The following TRANK1 variants were observed in gnomAD, a reference collection of about 807,000 sequenced individuals.
TRANK1 encodes the protein tetratricopeptide repeat and ankyrin repeat containing 1.
In TRANK1, 198 loss-of-function variants were observed where a neutral mutation model predicts 266.0. The ratio of observed to expected loss-of-function variants is 0.74; its 90% CI spans 0.66 to 0.84. The LOEUF (loss-of-function observed/expected upper bound fraction) is 0.84, where lower values mean the gene tolerates loss of function less well. TRANK1 is among the 40% of genes least tolerant of loss of function. The pLI, the probability that TRANK1 is intolerant of heterozygous loss-of-function variation, is 0.00. For synonymous variants in TRANK1, 1,396 were observed against 1,384.1 expected, an observed-to-expected ratio of 1.01 and a Z score of -0.19; for missense variants, 3,326 against 3,634.6, an observed-to-expected ratio of 0.92 and a Z score of 2.18.
At chr3:36,926,358 G>C (rs1005748450) in intron 1 of TRANK1, among the ~76,000 whole-genome samples, 2 of 152,190 alleles carry the variant, frequency 1.3e-5, no homozygotes, top group South Asian at 4.1e-4. Context: ...ACAAGCACTT[G>C]AGGATGACAT....
intron 1 of TRANK1, among the ~76,000 whole-genome samples, chr3:36,926,130 G>A (rs577505500): frequency 6.6e-5 from 10 of 152,236 alleles, no homozygotes; most frequent in Non-Finnish European, 1.5e-4. Flanking sequence ...GGTACTTTGC[G>A]TTTAACTGTT....
At position 36,903,206 on chromosome 3, in the gene TRANK1, C is replaced by T; in HGVS notation, c.225G>A (p.Trp75Ter). 1 of 1,537,344 alleles carries T rather than the reference C, an allele frequency of 6.5e-7. No individual in the cohort carries two copies. The highest frequency in any genetic ancestry group is 8.7e-7 in the Non-Finnish European group (1 of 1,146,932). The change falls in exon 3 of 24, where the codon TGG (tryptophan) becomes TGA (stop). Residue 75 changes from tryptophan to a stop codon, truncating the protein, a stop_gained. Coordinates refer to ENST00000645898, the MANE Select transcript of TRANK1 (RefSeq NM_001329998.2). LOFTEE classifies it high-confidence loss of function. ...KSNAFFSLGKWNEAFVAAKEC... is the reference protein window; with the variant it reads ...KSNAFFSLGK ...CCTTGGCAGCAACAAATGCCTCATT[C>T]CACTTCCCAAGGCTGAAAAATGCAT... is the stretch of plus-strand genomic sequence containing the variant.
intron 15 of TRANK1, chr3:36,851,462 C>T: frequency 1.6e-6 from 2 of 1,222,932 alleles, no homozygotes; most frequent in South Asian, 2.6e-5. Flanking sequence ...TGGACACTGG[C>T]ACTTGGGTAC....
intron 5 of TRANK1, among the ~76,000 whole-genome samples, chr3:36,893,604 TTGTTAA>T (rs1180519321): frequency 6.6e-6 from 1 of 152,208 alleles, no homozygotes; most frequent in Non-Finnish European, 1.5e-5. Flanking sequence ...AGAGACCCAG[TTGTTAA>T]ACTACTGACC....
intron 18 of TRANK1, among the ~76,000 whole-genome samples, chr3:36,841,842 T>C (rs1057165127): frequency 3.3e-5 from 5 of 152,164 alleles, no homozygotes; most frequent in African/African-American, 9.7e-5. Context: ...TGGGCCCATG[T>C]TGACTTTGTT....
At chr3:36,931,473 G>A (rs1465367555) in intron 1 of TRANK1, among the ~76,000 whole-genome samples, 1 of 152,118 alleles carries the variant, frequency 6.6e-6, no homozygotes, top group Non-Finnish European at 1.5e-5. Context: ...GGGGAACCAA[G>A]GCAGGTGGAT....
Position 36,827,948 on chromosome 3 carries a change from T to C in TRANK1, c.*327A>G, listed in dbSNP as rs4789. 0.47 allele frequency: 111,607 copies of C among 236,118 alleles called. 28,919 individuals carry two copies. Among genetic ancestry groups the C allele is most frequent in the East Asian group, 0.58 (5,818 of 10,040 alleles). 14.6% of individuals were successfully genotyped at this position (236,118 alleles called of 1,614,324 possible). On this transcript the variant is annotated 3_prime_UTR_variant, in exon 24 of 24. Coordinates refer to ENST00000645898, the MANE Select transcript of TRANK1 (RefSeq NM_001329998.2). ...CACCTAGTCCTCTGCTACCAACTCA[T>C]GTCATGATGGGGATGAGCCAGACAC... is the stretch of plus-strand genomic sequence containing the variant.
rs1424242876 is a variant in TRANK1 at position 36,832,912 on chromosome 3, G to C, written c.6671C>G (p.Ser2224Trp). The C allele has an allele frequency of 8.7e-6, 14 of 1,613,468 alleles. No individual in the cohort carries two copies. In the East Asian group the frequency reaches 3.1e-4, roughly 36 times the overall value. The change falls in exon 22 of 24, where the codon TCG (serine) becomes TGG (tryptophan). Residue 2224 changes from serine (S) to tryptophan (W), a missense_variant. Physicochemically the swap from Ser to Trp is radical, Grantham distance 177. Transcript: ENST00000645898. ...GTTGATTGCCACCAAGTTCATTTTC[G>C]ACTGAACTAAACACTTGGCTTCACA... ...RRCEAKCLVQ[S>W]KMNLVAINGL... is the part of the protein sequence containing the mutation.
chr3:36,835,607 A>G (rs997784526), intron 20 of TRANK1, among the ~76,000 whole-genome samples: 1 of 152,222 alleles, frequency 6.6e-6, no homozygotes, highest in African/African-American at 2.4e-5. Context: ...CTGATGGATC[A>G]AACTGATACA....
At chr3:36,846,875 T>C (rs2078922006) in intron 16 of TRANK1, among the ~76,000 whole-genome samples, 1 of 152,230 alleles carries the variant, frequency 6.6e-6, no homozygotes. Context: ...TTACTATAAC[T>C]ATCACTAGTA....
intron 1 of TRANK1, among the ~76,000 whole-genome samples, chr3:36,943,247 G>T (rs1254239611): frequency 1.3e-5 from 2 of 152,136 alleles, no homozygotes; most frequent in Admixed American, 1.3e-4. Flanking sequence ...TCACCCTGTA[G>T]AAAGAATAAC....
intron 16 of TRANK1, among the ~76,000 whole-genome samples, chr3:36,846,641 C>T (rs2078918479): frequency 6.6e-6 from 1 of 152,154 alleles, no homozygotes; most frequent in African/African-American, 2.4e-5. Flanking sequence ...AGTGAGCATG[C>T]CATCTGTATA....
chr3:36,849,908 C>T, intron 15 of TRANK1: 1 of 548,976 alleles, frequency 1.8e-6, no homozygotes, highest in Non-Finnish European at 2.3e-6. Flanking sequence ...TGGATGTTTA[C>T]AAAAGATTCT....
chr3:36,937,648 T>C (rs2080442701), intron 1 of TRANK1, among the ~76,000 whole-genome samples: 1 of 152,208 alleles, frequency 6.6e-6, no homozygotes, highest in Non-Finnish European at 1.5e-5. Context: ...TTCCACAATG[T>C]CTCAAGACAA....
rs1477685629 is a variant in TRANK1 at position 36,872,843 on chromosome 3, G to A, written c.1078+1283C>T. ...AAAACAGAATGCAAGGGGCCAACAC[G>A]TGCCAAGCCAGAAGAATGAGGAAGG... On this transcript the variant is annotated intron_variant, in intron 9 of 23. Transcript: ENST00000645898. 2.0e-5 allele frequency among the ~76,000 whole-genome samples: 3 copies of A among 152,000 alleles called. No homozygotes were observed. In the East Asian group the frequency reaches 5.8e-4, roughly 29 times the overall value.
intron 1 of TRANK1, among the ~76,000 whole-genome samples, chr3:36,913,592 C>G (rs547692445): frequency 3.3e-5 from 5 of 152,088 alleles, no homozygotes; most frequent in Admixed American, 2.0e-4. Context: ...GATAAAAATC[C>G]AAAGTCAGAA....
At position 36,915,785 on chromosome 3, in the gene TRANK1, C is replaced by G. The variant is rs553199343; in HGVS notation, c.24-7331G>C. 2.6e-5 allele frequency among the ~76,000 whole-genome samples: 4 copies of G among 152,286 alleles called. No individual in the cohort carries two copies. In the South Asian group the frequency reaches 6.2e-4, roughly 24 times the overall value. ...ACAGCTTAGATTGCAGGGATCAAGGCAAGTCTGTTGGAATTGACATTTAAG... is the reference window on the plus strand; with the variant it reads ...ACAGCTTAGATTGCAGGGATCAAGGGAAGTCTGTTGGAATTGACATTTAAG... On this transcript the variant is annotated intron_variant, in intron 1 of 23. Coordinates refer to ENST00000645898, the MANE Select transcript of TRANK1 (RefSeq NM_001329998.2).
chr3:36,909,467 A>G (rs994048958), intron 1 of TRANK1, among the ~76,000 whole-genome samples: 3 of 152,196 alleles, frequency 2.0e-5, no homozygotes, highest in African/African-American at 7.2e-5. Context: ...GGTGGGGGTC[A>G]GAGAAGAGGT....
intron 8 of TRANK1, chr3:36,880,153 T>A (rs2079509603): frequency 6.7e-6 from 1 of 149,076 alleles, no homozygotes; most frequent in Non-Finnish European, 1.5e-5. Context: ...AACATAAATA[T>A]ATATATATAT....
Sources: gnomAD v4.1 joint callset for allele counts (sites outside exome capture counted in the v4.1 genomes callset) on GRCh38, gnomAD v4.1.1 for gene constraint, MANE v1.5 for transcripts, NCBI Gene and HGNC (gene_info 2026-07-23, HGNC 2026-07-21) for gene names.